C4orf50: variants seen among roughly 807,000 people sequenced by gnomAD.
C4orf50 encodes uncharacterized protein C4orf50.
A neutral mutation model predicts 77.2 loss-of-function variants in C4orf50; 80 were observed. The observed-to-expected ratio is 1.04, with a 90% CI of 0.87 to 1.25. The LOEUF is 1.25. Ranked by LOEUF, C4orf50 falls within the 50% of genes most tolerant of loss-of-function variation. The pLI is 0.00. For missense variants in C4orf50, 1,257 were observed against 1,152.9 expected (o/e 1.09, Z -1.31); for synonymous variants, 532 against 465.3 (o/e 1.14, Z -1.84).
intron 7 of C4orf50, among the ~76,000 whole-genome samples, chr4:5,951,828 C>G (rs1718738718): frequency 6.6e-6 from 1 of 152,114 alleles, no homozygotes; most frequent in Non-Finnish European, 1.5e-5. Flanking sequence ...CCAACCCCAG[C>G]AAAACTCGGG....
At chr4:6,006,342 C>T (rs796314341) in intron 25 of C4orf50, among the ~76,000 whole-genome samples, 5 of 152,140 alleles carry the variant, frequency 3.3e-5, no homozygotes, top group East Asian at 1.9e-4. Context: ...TGAGCCACAG[C>T]GGGGAGGCAG....
At chr4:5,907,631 G>A (rs1405167555) in intron 7 of C4orf50, among the ~76,000 whole-genome samples, 1 of 152,200 alleles carries the variant, frequency 6.6e-6, no homozygotes, top group Non-Finnish European at 1.5e-5. Context: ...AAATCATCCA[G>A]AATTCAGCCC....
rs1721784694 is a variant in C4orf50 at position 6,000,432 on chromosome 4, G to A, written c.964-5956C>T. ...ACATTTCCCAGTGGCCCTCTCAGGAGGAATTCTTCCTTTCCAGGCAGCCCT... is the reference window on the plus strand; with the variant it reads ...ACATTTCCCAGTGGCCCTCTCAGGAAGAATTCTTCCTTTCCAGGCAGCCCT... On this transcript the variant is annotated intron_variant, in intron 25 of 33. Transcript: ENST00000531445. This position sits in a 1 kb window ranked among gnomAD's most constrained non-coding sequence, Gnocchi z 6.0. 6.6e-6 allele frequency among the ~76,000 whole-genome samples: 1 copy of A among 152,142 alleles called. No homozygotes were observed. Among genetic ancestry groups the A allele is most frequent in the Admixed American group, 6.5e-5 (1 of 15,278 alleles).
intron 25 of C4orf50, among the ~76,000 whole-genome samples, chr4:6,004,163 AG>A (rs1722060105): frequency 4.1e-5 from 1 of 24,382 alleles, no homozygotes; most frequent in African/African-American, 1.1e-4. Context: ...TGGTGATGAT[AG>A]TGATGATGGT....
intron 25 of C4orf50, among the ~76,000 whole-genome samples, chr4:6,003,047 G>A (rs897661650): frequency 3.3e-5 from 5 of 152,190 alleles, no homozygotes; most frequent in Non-Finnish European, 5.9e-5. Flanking sequence ...TCACCCACCT[G>A]CTCTGCCCTG....
At chr4:5,993,272 A>G (rs1721395537) in intron 26 of C4orf50, among the ~76,000 whole-genome samples, 1 of 152,204 alleles carries the variant, frequency 6.6e-6, no homozygotes. Flanking sequence ...CCAGCTCTGC[A>G]CAGCTGGCAT....
chr4:5,910,979 C>T (rs985681272), intron 7 of C4orf50, among the ~76,000 whole-genome samples: 2 of 142,132 alleles, frequency 1.4e-5, no homozygotes, highest in Non-Finnish European at 3.0e-5. Flanking sequence ...GAACTTGGCT[C>T]ACTGCAAGCT....
rs1716336081 is a variant in C4orf50, at chr4:5,901,404, G to A, written c.*2475-3216C>T. On this transcript the variant is annotated intron_variant, in intron 7 of 7. Transcript: ENST00000324058. This position sits in a 1 kb window ranked among gnomAD's most constrained non-coding sequence, Gnocchi z 4.4. ...TGCCCAGCAAGTAAACTGGGGAGGG[G>A]AGGCCACTTTCCCTAGTCTCGGAGC... 1 of 152,174 alleles carries A rather than the reference G, an allele frequency of 6.6e-6. No homozygotes were observed. The highest frequency in any genetic ancestry group is 1.5e-5 in the Non-Finnish European group (1 of 68,036). 9.4% of individuals were successfully genotyped at this position (152,174 alleles called of 1,614,324 possible).
exon 28 of C4orf50, chr4:5,988,987 T>G (rs1364965224): frequency 2.0e-6 from 3 of 1,536,086 alleles, no homozygotes; most frequent in Non-Finnish European, 2.6e-6. Flanking sequence ...TGTTTCATTT[T>G]CCTCTTCAAG....
intron 28 of C4orf50, among the ~76,000 whole-genome samples, chr4:5,987,901 G>T (rs1231828880): frequency 6.6e-6 from 1 of 152,126 alleles, no homozygotes; most frequent in African/African-American, 2.4e-5. Flanking sequence ...CACAGAGCCG[G>T]GTTGGAACCT....
At chr4:5,931,750 T>G (rs891733182) in intron 7 of C4orf50, among the ~76,000 whole-genome samples, 1 of 152,096 alleles carries the variant, frequency 6.6e-6, no homozygotes, top group Non-Finnish European at 1.5e-5. Context: ...CTGAGGAGCC[T>G]AAGGTTTGCA....
intron 25 of C4orf50, among the ~76,000 whole-genome samples, chr4:6,001,424 G>A (rs986888382): frequency 1.3e-5 from 2 of 152,220 alleles, no homozygotes; most frequent in African/African-American, 2.4e-5. Flanking sequence ...GTTATCCAGC[G>A]TTTGTTCAGC....
intron 7 of C4orf50, among the ~76,000 whole-genome samples, chr4:5,922,311 C>T (rs1352374677): frequency 5.9e-5 from 9 of 152,196 alleles, no homozygotes; most frequent in Admixed American, 5.9e-4. Flanking sequence ...AAAACAACTG[C>T]CTGAAAAGAT....
Position 5,989,084 on chromosome 4 carries a change from G to A in C4orf50, c.2962C>T (p.Gln988Ter), listed in dbSNP as rs1481191855. The change falls in exon 28 of 34, where the codon CAG (glutamine) becomes TAG (stop). Residue 988 changes from glutamine to a stop codon, truncating the protein, a stop_gained. Coordinates refer to ENST00000531445, the Ensembl canonical transcript of C4orf50. LOFTEE classifies it high-confidence loss of function. Reference sequence around the variant, plus strand: ...TATTGATCCAGTTCTTTCTTTAACTGAGAGATGTCCCCTACCAGCCTGTGG... The same window carrying A: ...TATTGATCCAGTTCTTTCTTTAACTAAGAGATGTCCCCTACCAGCCTGTGG... 3.3e-6 allele frequency: 5 copies of A among 1,536,056 alleles called. No individual in the cohort carries two copies. The East Asian group carries it at 1.2e-4, about 38-fold the overall frequency.
intron 33 of C4orf50, among the ~76,000 whole-genome samples, chr4:5,960,846 C>T (rs1719236013): frequency 6.6e-6 from 1 of 152,124 alleles, no homozygotes; most frequent in Admixed American, 6.5e-5. Context: ...AGTCTGGACT[C>T]CATCTTATAA....
chr4:5,990,441 TG>T lies in C4orf50; in HGVS notation c.1604del (p.Pro535HisfsTer3). On this transcript the variant is annotated frameshift_variant, in exon 28 of 34. Transcript: ENST00000531445. LOFTEE classifies it high-confidence loss of function. The stretch of plus-strand genomic sequence containing the variant: ...GATCCTTGGGGTGTTTTTTCAGAAA[TG>T]GGTGATTTGAAATGTAGGGGGCCTC... 2.5e-6 allele frequency: 1 copy of T among 403,310 alleles called. No individual in the cohort carries two copies. 25.0% of individuals were successfully genotyped at this position (403,310 alleles called of 1,614,324 possible).
At chr4:5,923,412 G>A (rs1312497389) in intron 7 of C4orf50, 1 of 154,132 alleles carries the variant, frequency 6.5e-6, no homozygotes, top group Non-Finnish European at 1.5e-5. Context: ...CTAACAAGGG[G>A]AAGGGGGATG....
At chr4:5,986,832 T>C (rs1720891532) in intron 28 of C4orf50, among the ~76,000 whole-genome samples, 1 of 152,026 alleles carries the variant, frequency 6.6e-6, no homozygotes, top group Non-Finnish European at 1.5e-5. Context: ...CCACCATGCC[T>C]GGCCCTAACA....
At chr4:5,915,484 A>T (rs1368552528) in intron 7 of C4orf50, among the ~76,000 whole-genome samples, 1 of 152,208 alleles carries the variant, frequency 6.6e-6, no homozygotes, top group Non-Finnish European at 1.5e-5. Flanking sequence ...CATGGGACAC[A>T]TTTGTGGGCA....
Sources: gnomAD v4.1 joint callset for allele counts (sites outside exome capture counted in the v4.1 genomes callset) on GRCh38, gnomAD v4.1.1 for gene constraint, Gnocchi (gnomAD v3.1) non-coding constraint, MANE v1.5 for transcripts, NCBI Gene and HGNC (gene_info 2026-07-23, HGNC 2026-07-21) for gene names.